The following GNG4 variants were observed in gnomAD, a reference collection of about 807,000 sequenced individuals.
The protein encoded by GNG4 is G protein subunit gamma 4.
GNG4 carries 4 observed loss-of-function variants against 5.8 expected under a neutral mutation model. The ratio of observed to expected loss-of-function variants is 0.69; its 90% confidence interval spans 0.34 to 1.57. The LOEUF (loss-of-function observed/expected upper bound fraction) is 1.57. GNG4 is among the 40% of genes most tolerant of loss of function. The probability of loss-of-function intolerance (pLI) is 0.06; values close to 1 mark genes in which losing one functional copy is unlikely to be tolerated. For missense variants in GNG4, 96 were observed against 95.1 expected (o/e 1.01, Z -0.04); for synonymous variants, 29 against 32.9 (o/e 0.88, Z 0.41).
Position 235,637,647 on chromosome 1 carries a change from T to C in GNG4, c.-123+12015A>G, listed in dbSNP as rs571591719. Among the ~76,000 whole-genome samples the C allele has an allele frequency of 5.2e-4, 61 of 118,372 alleles. No individual in the cohort carries two copies. The East Asian group carries it at 7.1e-3, about 14-fold the overall frequency. 77.7% of individuals were successfully genotyped at this position (118,372 alleles called of 152,430 possible). On this transcript the variant is annotated intron_variant, in intron 1 of 3. Coordinates refer to ENST00000391854, the MANE Select transcript of GNG4 (RefSeq NM_001098722.2). ...CCAGCCTGGGAGACAGAGCAAGACC[T>C]TGTCTCAAAAAAAAAAAAAAAAAAA...
chr1:235,637,231 G>A (rs187935249), intron 1 of GNG4, among the ~76,000 whole-genome samples: 2 of 152,236 alleles, frequency 1.3e-5, no homozygotes, highest in Admixed American at 6.5e-5. Flanking sequence ...CAGACATATC[G>A]GGAGTAGTTT....
rs182547286 is a variant in GNG4 at position 235,575,036 on chromosome 1, G to A, written c.99+8704C>T. 5.9e-5 allele frequency among the ~76,000 whole-genome samples: 9 copies of A among 152,210 alleles called. No individual in the cohort carries two copies. In the East Asian group the frequency reaches 1.7e-3, roughly 29 times the overall value. On this transcript the variant is annotated intron_variant, in intron 3 of 3. Coordinates refer to ENST00000391854, the MANE Select transcript of GNG4 (RefSeq NM_001098722.2). ...GATGGGATTTCACCACGTTGGCCAG[G>A]CTAGTCTCGAACTCCTGACCTCGAA... is the stretch of plus-strand genomic sequence containing the variant.
Position 235,548,633 on chromosome 1 carries a change from G to A in GNG4, c.*3476C>T, listed in dbSNP as rs1686651028. 6.5e-5 allele frequency: 2 copies of A among 30,922 alleles called. No individual in the cohort carries two copies. Among genetic ancestry groups the A allele is most frequent in the Admixed American group, 4.5e-4 (1 of 2,224 alleles). The allele number at this position is 30,922 out of a possible 1,614,324, so 1.9% of individuals were successfully genotyped here. A position where few individuals can be genotyped will look rare whatever the true frequency, so the allele number is the denominator to read the frequency against. ...GGGGCTGGAAGCGGGGTGTGCCTGAGAGACAGGAAATACTTCCCTTCTTCA... is the reference window on the plus strand; with the variant it reads ...GGGGCTGGAAGCGGGGTGTGCCTGAAAGACAGGAAATACTTCCCTTCTTCA... On this transcript the variant is annotated 3_prime_UTR_variant, in exon 4 of 4. Coordinates refer to ENST00000391854, the MANE Select transcript of GNG4 (RefSeq NM_001098722.2).
At position 235,609,600 on chromosome 1, in the gene GNG4, G is replaced by A. The variant is rs555013000; in HGVS notation, c.-122-14089C>T. 1.5e-4 allele frequency among the ~76,000 whole-genome samples: 23 copies of A among 152,154 alleles called. No homozygotes were observed. In the South Asian group the frequency reaches 4.8e-3, roughly 32 times the overall value. On this transcript the variant is annotated intron_variant, in intron 1 of 3. Coordinates refer to ENST00000391854, the MANE Select transcript of GNG4 (RefSeq NM_001098722.2). The stretch of plus-strand genomic sequence containing the variant: ...TGTAACAATTCAAGTTTTCAGAAAG[G>A]TTGCAAGTATAGCATAAAGAAAAGT...
In GNG4 at chr1:235,648,652, G is replaced by A. The variant is rs926700895; in HGVS notation, c.-123+1010C>T. On this transcript the variant is annotated intron_variant, in intron 1 of 3. Coordinates refer to ENST00000391854, the MANE Select transcript of GNG4 (RefSeq NM_001098722.2). The surrounding 1 kb of genome is among the most constrained non-coding windows in gnomAD (Gnocchi z 5.0). ...GTGGGAAGCGGCACACCTCACTCATGAGCAGACGACAGGACTGGCACGTTT... is the reference window on the plus strand; with the variant it reads ...GTGGGAAGCGGCACACCTCACTCATAAGCAGACGACAGGACTGGCACGTTT... Among the ~76,000 whole-genome samples, 13 of 152,238 alleles carry A rather than the reference G, an allele frequency of 8.5e-5. No individual in the cohort carries two copies. Among genetic ancestry groups the A allele is most frequent in the Non-Finnish European group, 1.3e-4 (9 of 68,054 alleles).
chr1:235,578,434 G>A (rs563348372), intron 3 of GNG4, among the ~76,000 whole-genome samples: 10 of 152,302 alleles, frequency 6.6e-5, no homozygotes, highest in South Asian at 2.1e-4. Flanking sequence ...TATATAACCC[G>A]AGGAGACGAA....
chr1:235,621,297 CTT>C (rs1220366662), intron 1 of GNG4, among the ~76,000 whole-genome samples: 1 of 72,030 alleles, frequency 1.4e-5, no homozygotes. Flanking sequence ...CTTTTCTTTT[CTT>C]TTTTTTTTTT....
At chr1:235,621,297 C>CT (rs1220366662) in intron 1 of GNG4, among the ~76,000 whole-genome samples, 776 of 71,860 alleles carry the variant, frequency 0.011, 6 homozygotes, top group African/African-American at 0.019. Context: ...CTTTTCTTTT[C>CT]TTTTTTTTTT....
In GNG4 at chr1:235,577,558, A is replaced by C. The variant is rs190235668; in HGVS notation, c.99+6182T>G. ...TGGGTTCGAGTGATTCTCCTGCCTCAGCCTCCCAAGTAGCTGCGGCTACAG... is the reference window on the plus strand; with the variant it reads ...TGGGTTCGAGTGATTCTCCTGCCTCCGCCTCCCAAGTAGCTGCGGCTACAG... On this transcript the variant is annotated intron_variant, in intron 3 of 3. Coordinates refer to ENST00000391854, the MANE Select transcript of GNG4 (RefSeq NM_001098722.2). Among the ~76,000 whole-genome samples the C allele has an allele frequency of 4.6e-3, 696 of 152,140 alleles. 25 individuals are homozygous for C. Among genetic ancestry groups the C allele is most frequent in the Admixed American group, 0.04 (604 of 15,272 alleles).
At chr1:235,572,124 G>C (rs1687358910) in intron 3 of GNG4, among the ~76,000 whole-genome samples, 1 of 152,060 alleles carries the variant, frequency 6.6e-6, no homozygotes, top group African/African-American at 2.4e-5. Context: ...AAATGTGACT[G>C]TACTGAATAC....
intron 1 of GNG4, among the ~76,000 whole-genome samples, chr1:235,639,807 CTG>C (rs1657263924): frequency 6.6e-6 from 1 of 152,194 alleles, no homozygotes; most frequent in African/African-American, 2.4e-5. Context: ...GTGCCCCGCT[CTG>C]TGTTGTGTTA....
At chr1:235,587,496 G>A (rs1332621294) in intron 2 of GNG4, among the ~76,000 whole-genome samples, 3 of 46,878 alleles carry the variant, frequency 6.4e-5, no homozygotes, top group African/African-American at 8.6e-5. Flanking sequence ...ATGGGGGGTG[G>A]GGGTGTGTGA....
chr1:235,586,604 G>A (rs1687765658), intron 2 of GNG4, among the ~76,000 whole-genome samples: 1 of 152,366 alleles, frequency 6.6e-6, no homozygotes, highest in Admixed American at 6.5e-5. Context: ...GATCAGTCAG[G>A]AAGGGCTCAG....
At chr1:235,624,951 C>T (rs997946532) in intron 1 of GNG4, among the ~76,000 whole-genome samples, 4 of 152,260 alleles carry the variant, frequency 2.6e-5, no homozygotes, top group Non-Finnish European at 2.9e-5. Context: ...CGTGGGGAAC[C>T]GCTGACCTCA....
intron 1 of GNG4, among the ~76,000 whole-genome samples, chr1:235,605,272 C>T (rs1688335260): frequency 1.3e-5 from 2 of 151,508 alleles, no homozygotes; most frequent in Non-Finnish European, 2.9e-5. Context: ...CTCACTACAA[C>T]CTCCGCCTCC....
At chr1:235,593,987 C>G (rs1558489811) in intron 2 of GNG4, among the ~76,000 whole-genome samples, 1 of 152,216 alleles carries the variant, frequency 6.6e-6, no homozygotes, top group Non-Finnish European at 1.5e-5. Flanking sequence ...CTGGCCCCAC[C>G]TACATCCTGC....
chr1:235,594,252 T>C (rs1322412601), intron 2 of GNG4, among the ~76,000 whole-genome samples: 3 of 152,194 alleles, frequency 2.0e-5, no homozygotes, highest in Non-Finnish European at 4.4e-5. Flanking sequence ...AGGGTGCTGA[T>C]TGGTGTGCTT....
chr1:235,576,598 GACATT>G (rs780619277), intron 3 of GNG4, among the ~76,000 whole-genome samples: 3 of 152,148 alleles, frequency 2.0e-5, no homozygotes, highest in African/African-American at 4.8e-5. Flanking sequence ...CAACCTGGAG[GACATT>G]ACTTGTTTTT....
intron 1 of GNG4, among the ~76,000 whole-genome samples, chr1:235,602,464 C>T (rs1688276769): frequency 6.6e-6 from 1 of 152,126 alleles, no homozygotes; most frequent in African/African-American, 2.4e-5. Context: ...TACTTCTGGG[C>T]TCATATGAGA....
Sources: allele counts gnomAD v4.1 joint callset (sites outside exome capture counted in the v4.1 genomes callset), GRCh38; gene constraint gnomAD v4.1.1; non-coding constraint Gnocchi (gnomAD v3.1); transcripts MANE v1.5; gene names NCBI Gene and HGNC (gene_info 2026-07-23, HGNC 2026-07-21).